The following RNF152 variants were observed in gnomAD, a reference collection of about 807,000 sequenced individuals.
RNF152 encodes E3 ubiquitin-protein ligase RNF152.
A neutral mutation model predicts 12.7 loss-of-function variants in RNF152; 11 were observed. The observed-to-expected ratio is 0.86, with a 90% confidence interval of 0.54 to 1.43. The LOEUF (loss-of-function observed/expected upper bound fraction) is 1.43. RNF152 is among the 40% of genes most tolerant of loss of function. The pLI is 0.00. For synonymous variants in RNF152, 113 were observed against 120.3 expected, an observed-to-expected ratio of 0.94 and a Z score of 0.40; for missense variants, 255 against 274.8, an observed-to-expected ratio of 0.93 and a Z score of 0.51.
intron 1 of RNF152, among the ~76,000 whole-genome samples, chr18:61,891,574 A>G (rs897583931): frequency 5.3e-5 from 8 of 152,170 alleles, no homozygotes; most frequent in Admixed American, 5.2e-4. Context: ...AAATACCTCT[A>G]TCTTAGCACC....
At chr18:61,889,693 G>T (rs959686513) in intron 1 of RNF152, among the ~76,000 whole-genome samples, 1 of 152,154 alleles carries the variant, frequency 6.6e-6, no homozygotes, top group Non-Finnish European at 1.5e-5. Flanking sequence ...ACAAAAGGGT[G>T]ACCCAAGGTT....
At chr18:61,866,251 C>T (rs762131385) in intron 1 of RNF152, among the ~76,000 whole-genome samples, 2 of 152,138 alleles carry the variant, frequency 1.3e-5, no homozygotes, top group South Asian at 2.1e-4. Flanking sequence ...TTCTAGACAG[C>T]GAGTCGGGCC....
intron 1 of RNF152, among the ~76,000 whole-genome samples, chr18:61,835,614 A>G (rs1460258004): frequency 6.6e-6 from 1 of 152,200 alleles, no homozygotes. Context: ...TAATAAATTA[A>G]AAAGGATAAA....
At chr18:61,825,215 T>TCAA (rs1325979487) in intron 1 of RNF152, among the ~76,000 whole-genome samples, 2 of 152,138 alleles carry the variant, frequency 1.3e-5, no homozygotes, top group Non-Finnish European at 2.9e-5. Flanking sequence ...TCAAGGAGCC[T>TCAA]GGATGTACAA....
At chr18:61,836,653 C>G (rs1281006631) in intron 1 of RNF152, among the ~76,000 whole-genome samples, 1 of 152,094 alleles carries the variant, frequency 6.6e-6, no homozygotes, top group Non-Finnish European at 1.5e-5. Flanking sequence ...TTCAACCCAC[C>G]CAGTCAATGT....
rs1650391974 is a variant in RNF152, at chr18:61,810,773, T to C, written c.*5079A>G. On this transcript the variant is annotated 3_prime_UTR_variant, in exon 2 of 2. Coordinates refer to ENST00000312828, the MANE Select transcript of RNF152 (RefSeq NM_173557.3). ...CTGAATTATCTCGACTATCTTATTA[T>C]TCTCAATAGTTTCTGTTTTGGTAAG... 6.6e-6 allele frequency: 1 copy of C among 152,238 alleles called. No individual in the cohort carries two copies. The highest frequency in any genetic ancestry group is 1.5e-5 in the Non-Finnish European group (1 of 68,030). The allele number at this position is 152,238 out of a possible 1,614,324, so 9.4% of individuals were successfully genotyped here.
intron 1 of RNF152, among the ~76,000 whole-genome samples, chr18:61,859,187 C>A (rs912695722): frequency 6.6e-6 from 1 of 152,198 alleles, no homozygotes; most frequent in East Asian, 1.9e-4. Flanking sequence ...AAATTCCCAC[C>A]TCAGTACTTC....
intron 1 of RNF152, among the ~76,000 whole-genome samples, chr18:61,840,039 G>A (rs1370197036): frequency 6.6e-6 from 1 of 152,210 alleles, no homozygotes; most frequent in Non-Finnish European, 1.5e-5. Flanking sequence ...TAACAGGTGG[G>A]CTCACTGCCA....
At chr18:61,853,601 C>CT (rs112484531) in intron 1 of RNF152, among the ~76,000 whole-genome samples, 2 of 152,062 alleles carry the variant, frequency 1.3e-5, no homozygotes, top group South Asian at 2.1e-4. Context: ...GGTTCCTTAC[C>CT]TTTTTTAGCT....
chr18:61,845,247 A>C (rs905765765), intron 1 of RNF152, among the ~76,000 whole-genome samples: 10 of 152,216 alleles, frequency 6.6e-5, no homozygotes, highest in Non-Finnish European at 1.0e-4. Context: ...CACTGCACCC[A>C]CCCAAGATGA....
chr18:61,862,891 T>TC (rs1911554325), intron 1 of RNF152, among the ~76,000 whole-genome samples: 1 of 152,120 alleles, frequency 6.6e-6, no homozygotes, highest in Non-Finnish European at 1.5e-5. Context: ...GAGCCCTCAA[T>TC]CAGTGGGCTC....
intron 1 of RNF152, among the ~76,000 whole-genome samples, chr18:61,856,218 G>C (rs1051896387): frequency 6.6e-6 from 1 of 152,182 alleles, no homozygotes. Context: ...TGAGTAAAGC[G>C]ATGACAATGA....
At chr18:61,830,532 A>G (rs1178449500) in intron 1 of RNF152, among the ~76,000 whole-genome samples, 4 of 152,200 alleles carry the variant, frequency 2.6e-5, no homozygotes, top group Non-Finnish European at 5.9e-5. Flanking sequence ...TTCACTAAGC[A>G]TGTCTTCAAG....
At chr18:61,829,086 G>A (rs1327383986) in intron 1 of RNF152, among the ~76,000 whole-genome samples, 1 of 152,170 alleles carries the variant, frequency 6.6e-6, no homozygotes, top group African/African-American at 2.4e-5. Context: ...AGGGACCAGA[G>A]CCTGGGACCT....
intron 1 of RNF152, among the ~76,000 whole-genome samples, chr18:61,881,102 T>G (rs547234190): frequency 6.6e-6 from 1 of 152,088 alleles, no homozygotes; most frequent in Middle Eastern, 3.4e-3. Flanking sequence ...TTAGTAGAGA[T>G]AGGGTTTCCT....
Position 61,816,501 on chromosome 18 carries a change from G to T in RNF152, c.-38C>A. On this transcript the variant is annotated 5_prime_UTR_variant, in exon 2 of 2. Transcript: ENST00000312828. ...GCAGGAAGGGCAAGGCCAAGGTGAA[G>T]GGGAAGGAGCTGCTTCTCAGAGGCC... 6.4e-7 allele frequency: 1 copy of T among 1,565,080 alleles called. No individual in the cohort carries two copies. The highest frequency in any genetic ancestry group is 8.7e-7 in the Non-Finnish European group (1 of 1,151,876).
At chr18:61,840,571 G>A (rs945103965) in intron 1 of RNF152, among the ~76,000 whole-genome samples, 23 of 151,958 alleles carry the variant, frequency 1.5e-4, no homozygotes, top group African/African-American at 4.8e-4. Flanking sequence ...CTAGCTTGTG[G>A]CTTCATAGAT....
intron 1 of RNF152, among the ~76,000 whole-genome samples, chr18:61,846,222 T>C (rs958968525): frequency 1.1e-4 from 16 of 152,220 alleles, no homozygotes; most frequent in African/African-American, 3.1e-4. Flanking sequence ...CACTCTCTCT[T>C]GTTCTTGCCT....
chr18:61,866,130 C>T (rs1039876636), intron 1 of RNF152, among the ~76,000 whole-genome samples: 2 of 152,160 alleles, frequency 1.3e-5, no homozygotes, highest in Admixed American at 1.3e-4. Flanking sequence ...GGCTGAGTGG[C>T]ACAGGGCCCC....
Sources: gnomAD v4.1 joint callset for allele counts (sites outside exome capture counted in the v4.1 genomes callset) on GRCh38, gnomAD v4.1.1 for gene constraint, MANE v1.5 for transcripts, NCBI Gene and HGNC (gene_info 2026-07-23, HGNC 2026-07-21) for gene names.